Variants in ABRAXAS2 observed in about 807,000 individuals in gnomAD.
ABRAXAS2 encodes abraxas 2, BRISC complex subunit.
Under a neutral mutation model 49.0 loss-of-function variants are expected in ABRAXAS2, and 23 were observed. That is an observed-to-expected ratio of 0.47 (90% CI 0.34 to 0.66). The LOEUF (loss-of-function observed/expected upper bound fraction) is 0.66. ABRAXAS2 is among the 30% of genes least tolerant of loss of function. The pLI is 0.01. For synonymous variants in ABRAXAS2, 168 were observed against 180.2 expected (o/e 0.93, Z 0.54); for missense variants, 443 against 511.9 (o/e 0.87, Z 1.30).
intron 1 of ABRAXAS2, among the ~76,000 whole-genome samples, chr10:124,805,085 A>C (rs1330854808): frequency 6.6e-6 from 1 of 152,160 alleles, no homozygotes; most frequent in Non-Finnish European, 1.5e-5. Context: ...TCCTCAAATC[A>C]AATACAAAAA....
intron 1 of ABRAXAS2, among the ~76,000 whole-genome samples, chr10:124,805,340 CAAA>C (rs918638865): frequency 1.1e-4 from 9 of 84,774 alleles, no homozygotes; most frequent in African/African-American, 2.3e-4. Context: ...GACTCCGTCT[CAAA>C]AAAAAAAAAA....
At chr10:124,814,531 T>C (rs1395462588) in intron 2 of ABRAXAS2, among the ~76,000 whole-genome samples, 2 of 151,362 alleles carry the variant, frequency 1.3e-5, no homozygotes, top group Non-Finnish European at 2.9e-5. Flanking sequence ...TTTGTATTTT[T>C]GTTTTCACCA....
intron 2 of ABRAXAS2, among the ~76,000 whole-genome samples, chr10:124,808,171 C>T (rs576841660): frequency 2.0e-5 from 3 of 150,882 alleles, no homozygotes; most frequent in South Asian, 4.2e-4. Flanking sequence ...TTTATTTATG[C>T]GGCAAACTTT....
chr10:124,826,483 TG>T, intron 4 of ABRAXAS2, 111 bp from the exon 5 acceptor site: 1 of 1,019,040 alleles, frequency 9.8e-7, no homozygotes, highest in Non-Finnish European at 1.4e-6. Context: ...TGTTCCAGGG[TG>T]GGGCTTTTGC....
chr10:124,809,871 G>A (rs925740404), intron 2 of ABRAXAS2, among the ~76,000 whole-genome samples: 3 of 150,966 alleles, frequency 2.0e-5, no homozygotes, highest in African/African-American at 7.3e-5. Context: ...TCCTGCCTCA[G>A]CCTCCCTAGT....
intron 5 of ABRAXAS2, among the ~76,000 whole-genome samples, chr10:124,828,523 C>T (rs1950910996): frequency 1.3e-5 from 2 of 152,028 alleles, no homozygotes; most frequent in Admixed American, 1.3e-4. Flanking sequence ...CACCACCATG[C>T]CCGGCTAATT....
intron 3 of ABRAXAS2, among the ~76,000 whole-genome samples, chr10:124,817,304 G>A (rs143176394): frequency 1.8e-3 from 274 of 152,172 alleles, no homozygotes; most frequent in Non-Finnish European, 3.4e-3. Flanking sequence ...AGAAATAAAG[G>A]GAGAAACGTT....
At chr10:124,803,069 T>C (rs1401567541) in intron 1 of ABRAXAS2, among the ~76,000 whole-genome samples, 1 of 152,196 alleles carries the variant, frequency 6.6e-6, no homozygotes, top group Non-Finnish European at 1.5e-5. Flanking sequence ...AATAATGTAA[T>C]ATAGTTCCAT....
In ABRAXAS2 at chr10:124,835,036, G is replaced by T. The variant is rs118172967; in HGVS notation, c.*65G>T. ...CATTGCTTACTGAGAGGGTTTTTGA[G>T]AACTTAATCTGGGGGGAGAACTGCT... is the stretch of plus-strand genomic sequence containing the variant. On this transcript the variant is annotated 3_prime_UTR_variant, in exon 9 of 9. Coordinates refer to ENST00000298492, the MANE Select transcript of ABRAXAS2 (RefSeq NM_032182.4). 55,810 of 1,285,246 alleles carry T rather than the reference G, an allele frequency of 0.043. 1,432 individuals carry two copies. The highest frequency in any genetic ancestry group is 0.049 in the Non-Finnish European group (45,248 of 931,326). 79.6% of individuals were successfully genotyped at this position (1,285,246 alleles called of 1,614,324 possible).
intron 8 of ABRAXAS2, among the ~76,000 whole-genome samples, chr10:124,831,921 T>G (rs867546651): frequency 4.9e-5 from 7 of 142,484 alleles, no homozygotes; most frequent in Middle Eastern, 3.4e-3. Flanking sequence ...GGCGTGATCT[T>G]GGCTCACTGC....
At chr10:124,828,342 C>G (rs1015063864) in intron 5 of ABRAXAS2, among the ~76,000 whole-genome samples, 1 of 152,044 alleles carries the variant, frequency 6.6e-6, no homozygotes. Flanking sequence ...CATGCCACCA[C>G]GCATGCCCTT....
intron 3 of ABRAXAS2, 53 bp from the exon 4 acceptor site, chr10:124,819,331 T>TCTATGTCACAATA (rs1950846012): frequency 1.4e-6 from 2 of 1,471,876 alleles, no homozygotes; most frequent in Non-Finnish European, 1.9e-6. Flanking sequence ...GCCAAGCACG[T>TCTATGTCACAATA]CTATGTCACA....
intron 1 of ABRAXAS2, among the ~76,000 whole-genome samples, chr10:124,803,819 T>G (rs576568358): frequency 6.6e-6 from 1 of 152,322 alleles, no homozygotes; most frequent in South Asian, 2.1e-4. Context: ...GAAAATCGCT[T>G]GAACCCGGGA....
chr10:124,806,948 A>G, intron 2 of ABRAXAS2, 27 bp downstream of exon 2: 2 of 1,434,000 alleles, frequency 1.4e-6, no homozygotes, highest in Non-Finnish European at 2.0e-6. Context: ...ATGACCTTAG[A>G]AATATCTTTT....
At position 124,809,751 on chromosome 10, in the gene ABRAXAS2, A is replaced by ATT. The variant is rs556850092; in HGVS notation, c.163+2847_163+2848dup. Among the ~76,000 whole-genome samples, 449 of 135,958 alleles carry ATT rather than the reference A, an allele frequency of 3.3e-3. 2 individuals carry two copies. The highest frequency in any genetic ancestry group is 0.011 in the African/African-American group (416 of 37,242). The allele number at this position is 135,958 out of a possible 152,430, so 89.2% of individuals were successfully genotyped here. On this transcript the variant is annotated intron_variant, in intron 2 of 8. Transcript: ENST00000298492. ...GTAAACTTTCTTCAAACATTATGAG[A>ATT]TTTTTTTTTTTTTTTTTTGAGACCG...
At chr10:124,816,740 G>A in intron 3 of ABRAXAS2, 128 bp downstream of exon 3, 2 of 687,952 alleles carry the variant, frequency 2.9e-6, no homozygotes. Flanking sequence ...TATTTATTGA[G>A]TGCTTTGTAC....
chr10:124,802,102 G>C (rs1456950273), intron 1 of ABRAXAS2, among the ~76,000 whole-genome samples: 3 of 152,152 alleles, frequency 2.0e-5, no homozygotes, highest in Non-Finnish European at 4.4e-5. Flanking sequence ...AGGCCCCCTG[G>C]CTTCGCGCTC....
rs748462779 is a variant in ABRAXAS2 at position 124,826,716 on chromosome 10, T to C, written c.389T>C (p.Phe130Ser). ...GTGCCCGACCTCGTCTTTCTTCTCT[T>C]CAGCTTCATCTCCACTGCCAACAAT... The part of the protein sequence containing the change: ...LGVPDLVFLL[F>S]SFISTANNST... The change falls in exon 5 of 9, where the codon TTC becomes TCC. Residue 130 changes from phenylalanine (F) to serine (S), a missense_variant. Transcript: ENST00000298492. 2 of 1,614,216 alleles carry C rather than the reference T, an allele frequency of 1.2e-6. No individual in the cohort carries two copies. The highest frequency in any genetic ancestry group is 1.7e-6 in the Non-Finnish European group (2 of 1,180,034).
intron 2 of ABRAXAS2, among the ~76,000 whole-genome samples, chr10:124,812,385 T>A (rs540188836): frequency 3.9e-4 from 60 of 152,344 alleles, no homozygotes; most frequent in Admixed American, 9.2e-4. Context: ...GTGAGGTGGC[T>A]CACACCTGTA....
Sources: gnomAD v4.1 joint callset for allele counts (sites outside exome capture counted in the v4.1 genomes callset) on GRCh38, gnomAD v4.1.1 for gene constraint, MANE v1.5 for transcripts, NCBI Gene and HGNC (gene_info 2026-07-23, HGNC 2026-07-21) for gene names.